Variants in EPB41L5 observed in about 807,000 individuals in gnomAD.
EPB41L5 encodes band 4.1-like protein 5.
EPB41L5 carries 55 observed loss-of-function variants against 106.6 expected under a neutral mutation model. The observed-to-expected ratio is 0.52, with a 90% confidence interval of 0.42 to 0.65. The LOEUF (loss-of-function observed/expected upper bound fraction) is 0.65. Among genes scored for constraint, EPB41L5 ranks in the 30% least tolerant of loss-of-function variants. The pLI is 0.00. For missense variants in EPB41L5, 871 were observed against 882.1 expected (o/e 0.99, Z 0.16); for synonymous variants, 297 against 306.7 (o/e 0.97, Z 0.33).
At chr2:120,058,570 A>G (rs1400155126) in intron 3 of EPB41L5, among the ~76,000 whole-genome samples, 1 of 152,192 alleles carries the variant, frequency 6.6e-6, no homozygotes, top group Non-Finnish European at 1.5e-5. Flanking sequence ...AGGATCAAAA[A>G]GGATTGGTGG....
chr2:120,067,131 A>G (rs1001377272), intron 3 of EPB41L5, among the ~76,000 whole-genome samples: 2 of 152,222 alleles, frequency 1.3e-5, no homozygotes, highest in African/African-American at 4.8e-5. Context: ...TTAAAAGATG[A>G]GAGATGGCAC....
chr2:120,151,558 C>T (rs1044611274), intron 20 of EPB41L5, among the ~76,000 whole-genome samples: 5 of 151,808 alleles, frequency 3.3e-5, no homozygotes, highest in African/African-American at 1.2e-4. Flanking sequence ...GATCCACCCA[C>T]CTCGGCCTCC....
intron 2 of EPB41L5, among the ~76,000 whole-genome samples, chr2:120,040,917 A>G (rs1018881804): frequency 2.6e-5 from 4 of 152,190 alleles, no homozygotes; most frequent in Non-Finnish European, 5.9e-5. Flanking sequence ...ATAGGAAAAT[A>G]CTATAAATCA....
chr2:120,158,559 C>G (rs547957662), intron 20 of EPB41L5, among the ~76,000 whole-genome samples: 1 of 152,162 alleles, frequency 6.6e-6, no homozygotes, highest in Non-Finnish European at 1.5e-5. Context: ...TAAAAACTCT[C>G]AATAAAAGAA....
chr2:120,169,101 T>C (rs1451089137), intron 24 of EPB41L5, among the ~76,000 whole-genome samples: 1 of 151,768 alleles, frequency 6.6e-6, no homozygotes, highest in Non-Finnish European at 1.5e-5. Context: ...CTAGAACTCA[T>C]GGAAAGGAGT....
intron 16 of EPB41L5, among the ~76,000 whole-genome samples, chr2:120,117,512 T>C (rs1347998947): frequency 6.6e-6 from 1 of 152,216 alleles, no homozygotes; most frequent in East Asian, 1.9e-4. Flanking sequence ...TTGAGGATTC[T>C]GCATTTGACC....
chr2:120,062,229 G>GT, intron 3 of EPB41L5, among the ~76,000 whole-genome samples: 1 of 152,308 alleles, frequency 6.6e-6, no homozygotes, highest in Non-Finnish European at 1.5e-5. Flanking sequence ...CAGTAAGATA[G>GT]TGGGAGGTGA....
chr2:120,136,269 G>T (rs1685920145), intron 18 of EPB41L5, among the ~76,000 whole-genome samples: 1 of 147,546 alleles, frequency 6.8e-6, no homozygotes, highest in Non-Finnish European at 1.5e-5. Context: ...GATACACAAA[G>T]AAATAAAAAG....
At position 120,091,671 on chromosome 2, in the gene EPB41L5, A is replaced by C; in HGVS notation, c.1150+10A>C. ...ACTCTACAAATGAAAGGTGAAGTGC[A>C]ACCCTCTTTCAAAGGATTATTTTTC... On this transcript the variant is annotated intron_variant, in intron 13 of 24. Coordinates refer to ENST00000263713, the MANE Select transcript of EPB41L5 (RefSeq NM_020909.4). The C allele has an allele frequency of 1.3e-6, 2 of 1,587,152 alleles. No homozygotes were observed. Among genetic ancestry groups the C allele is most frequent in the Non-Finnish European group, 1.7e-6 (2 of 1,157,884 alleles).
intron 3 of EPB41L5, among the ~76,000 whole-genome samples, chr2:120,061,318 G>T (rs1365512958): frequency 6.7e-6 from 1 of 148,504 alleles, no homozygotes; most frequent in Non-Finnish European, 1.5e-5. Flanking sequence ...CGCCTCCCGG[G>T]TTCACGCCAT....
intron 2 of EPB41L5, among the ~76,000 whole-genome samples, chr2:120,041,439 G>C (rs1374036687): frequency 6.6e-6 from 1 of 151,960 alleles, no homozygotes. Flanking sequence ...CTACTATTTG[G>C]TGTCTTCTGC....
chr2:120,075,442 G>C lies in EPB41L5; in HGVS notation c.408-34G>C. The stretch of plus-strand genomic sequence containing the variant: ...ATTTTTTTTCACAGTCGATTGTGCT[G>C]TTGGGTTAAATTTGTGCCTTTCATT... On this transcript the variant is annotated intron_variant, in intron 5 of 24. Coordinates refer to ENST00000263713, the MANE Select transcript of EPB41L5 (RefSeq NM_020909.4). The C allele has an allele frequency of 2.7e-6, 4 of 1,491,952 alleles. No homozygotes were observed. In the South Asian group the frequency reaches 4.7e-5, roughly 17 times the overall value. The allele number at this position is 1,491,952 out of a possible 1,614,324, so 92.4% of individuals were successfully genotyped here.
chr2:120,170,289 A>C (rs192388808), intron 24 of EPB41L5, among the ~76,000 whole-genome samples: 4 of 152,212 alleles, frequency 2.6e-5, no homozygotes, highest in Non-Finnish European at 4.4e-5. Flanking sequence ...AACAATACAC[A>C]CTTATAATCT....
At chr2:120,172,908 G>A (rs1011038642) in intron 24 of EPB41L5, among the ~76,000 whole-genome samples, 1 of 152,152 alleles carries the variant, frequency 6.6e-6, no homozygotes, top group African/African-American at 2.4e-5. Context: ...ATGTCTGAAT[G>A]TACTGAGAAG....
intron 22 of EPB41L5, among the ~76,000 whole-genome samples, chr2:120,167,241 T>G (rs931568167): frequency 2.6e-5 from 4 of 152,192 alleles, no homozygotes; most frequent in Non-Finnish European, 2.9e-5. Flanking sequence ...AGATAAGAGA[T>G]TCTCAAAATT....
At chr2:120,019,005 A>G in intron 1 of EPB41L5, 72 bp from the exon 2 acceptor site, 2 of 1,331,580 alleles carry the variant, frequency 1.5e-6, no homozygotes, top group South Asian at 1.3e-5. Context: ...AAATAATGCC[A>G]TTTGACTGAC....
chr2:120,168,917 A>C (rs1687539409), intron 24 of EPB41L5, among the ~76,000 whole-genome samples: 1 of 152,240 alleles, frequency 6.6e-6, no homozygotes, highest in South Asian at 2.1e-4. Flanking sequence ...TACAAATGTA[A>C]TGGATTATTT....
At position 120,134,110 on chromosome 2, in the gene EPB41L5, A is replaced by G. The variant is rs561086596; in HGVS notation, c.1599+2395A>G. On this transcript the variant is annotated intron_variant, in intron 18 of 24. Transcript: ENST00000263713. ...CAGTGGTTTCCAGGCAGTACTTGTCATAGGCCTTGGGCAAGACCTGGTACC... is the reference window on the plus strand; with the variant it reads ...CAGTGGTTTCCAGGCAGTACTTGTCGTAGGCCTTGGGCAAGACCTGGTACC... Among the ~76,000 whole-genome samples, 4 of 152,134 alleles carry G rather than the reference A, an allele frequency of 2.6e-5. No homozygotes were observed. In the East Asian group the frequency reaches 7.8e-4, roughly 30 times the overall value.
At chr2:120,142,529 G>A (rs1377479334) in intron 18 of EPB41L5, among the ~76,000 whole-genome samples, 3 of 152,166 alleles carry the variant, frequency 2.0e-5, no homozygotes, top group Non-Finnish European at 4.4e-5. Flanking sequence ...TGGGCTAAAA[G>A]ATGAAAAGTA....
Sources: gnomAD v4.1 joint callset for allele counts (sites outside exome capture counted in the v4.1 genomes callset) on GRCh38, gnomAD v4.1.1 for gene constraint, MANE v1.5 for transcripts, NCBI Gene and HGNC (gene_info 2026-07-23, HGNC 2026-07-21) for gene names.